The following MMP16 variants were observed in gnomAD, a reference collection of about 807,000 sequenced individuals.
MMP16 encodes matrix metalloproteinase-16.
Under a neutral mutation model 67.8 loss-of-function variants are expected in MMP16, and 12 were observed. That is an observed-to-expected ratio of 0.18 (90% confidence interval 0.11 to 0.29). MMP16 has a LOEUF of 0.29. Ranked by LOEUF, MMP16 falls within the 10% of genes least tolerant of loss-of-function variation. The probability of loss-of-function intolerance (pLI) is 1.00; values close to 1 mark genes in which losing one functional copy is unlikely to be tolerated. For synonymous variants in MMP16, 249 were observed against 255.9 expected, an observed-to-expected ratio of 0.97 and a Z score of 0.26; for missense variants, 475 against 765.7, an observed-to-expected ratio of 0.62 and a Z score of 4.48.
At chr8:88,176,108 C>G (rs1265572806) in intron 3 of MMP16, among the ~76,000 whole-genome samples, 1 of 152,176 alleles carries the variant, frequency 6.6e-6, no homozygotes, top group African/African-American at 2.4e-5. Context: ...CACCGGGACA[C>G]TAAGATTTAG....
At chr8:88,117,815 G>A (rs1476280415) in intron 5 of MMP16, among the ~76,000 whole-genome samples, 1 of 151,786 alleles carries the variant, frequency 6.6e-6, no homozygotes, top group African/African-American at 2.4e-5. Context: ...AAATGCAAAA[G>A]ACATCTATCT....
At chr8:88,090,804 A>G (rs540767547) in intron 6 of MMP16, among the ~76,000 whole-genome samples, 72 of 152,010 alleles carry the variant, frequency 4.7e-4, no homozygotes, top group African/African-American at 1.7e-3. Flanking sequence ...GGTAATACTG[A>G]AATAGCTTTT....
intron 1 of MMP16, among the ~76,000 whole-genome samples, chr8:88,254,641 T>A (rs1563575090): frequency 6.6e-6 from 1 of 152,086 alleles, no homozygotes; most frequent in Non-Finnish European, 1.5e-5. Context: ...AACTGATAGC[T>A]GAATAAATAA....
chr8:88,290,181 A>G (rs1047533645), intron 1 of MMP16, among the ~76,000 whole-genome samples: 1 of 152,200 alleles, frequency 6.6e-6, no homozygotes, highest in Non-Finnish European at 1.5e-5. Context: ...TGGAACACCC[A>G]TATTATGGAT....
intron 7 of MMP16, among the ~76,000 whole-genome samples, chr8:88,060,989 A>G (rs1808391638): frequency 6.8e-6 from 1 of 147,880 alleles, no homozygotes; most frequent in Non-Finnish European, 1.5e-5. Flanking sequence ...ACCACTAGCA[A>G]GAGTGGGAAA....
At chr8:88,107,117 C>A (rs1428772073) in intron 6 of MMP16, among the ~76,000 whole-genome samples, 1 of 151,062 alleles carries the variant, frequency 6.6e-6, no homozygotes. Context: ...CTATTCTGTT[C>A]ATTTGTCCCA....
intron 4 of MMP16, among the ~76,000 whole-genome samples, chr8:88,162,855 C>T (rs1438347184): frequency 1.3e-5 from 2 of 151,968 alleles, no homozygotes; most frequent in African/African-American, 4.8e-5. Context: ...TTCACTGAGG[C>T]CTCCCCAGTC....
intron 8 of MMP16, among the ~76,000 whole-genome samples, chr8:88,052,159 A>G (rs79732665): frequency 0.03 from 4,611 of 152,240 alleles, 246 homozygotes; most frequent in African/African-American, 0.1. Flanking sequence ...TGCAAACTCA[A>G]TTATCCAACC....
At chr8:88,236,734 C>T (rs1464228293) in intron 1 of MMP16, among the ~76,000 whole-genome samples, 3 of 151,884 alleles carry the variant, frequency 2.0e-5, no homozygotes, top group East Asian at 2.0e-4. Flanking sequence ...GGGTAAAAAG[C>T]GAGACTCTGA....
intron 1 of MMP16, among the ~76,000 whole-genome samples, chr8:88,319,144 A>G (rs947108395): frequency 2.0e-5 from 3 of 152,184 alleles, no homozygotes; most frequent in African/African-American, 7.2e-5. Context: ...CACTCAGTCC[A>G]TCATACATAG....
At chr8:88,317,669 A>G (rs1811394456) in intron 1 of MMP16, among the ~76,000 whole-genome samples, 1 of 152,164 alleles carries the variant, frequency 6.6e-6, no homozygotes, top group African/African-American at 2.4e-5. Context: ...ATTTTGTAAA[A>G]ATCAGCTAGA....
chr8:88,087,745 A>G (rs1733725867), intron 6 of MMP16, among the ~76,000 whole-genome samples: 2 of 151,568 alleles, frequency 1.3e-5, no homozygotes, highest in East Asian at 2.0e-4. Flanking sequence ...GGAGTTCAAG[A>G]CCAGCTGGGA....
chr8:88,061,965 A>G lies in MMP16; in HGVS notation c.1223-5687T>C, dbSNP rs568976825. Reference sequence around the variant, plus strand: ...GAAAACAAAGCAAAATAGAGAGCTTATCAGTAAACATTTGCTATAAAGTTG... The same window carrying G: ...GAAAACAAAGCAAAATAGAGAGCTTGTCAGTAAACATTTGCTATAAAGTTG... On this transcript the variant is annotated intron_variant, in intron 7 of 9. Transcript: ENST00000286614. 9.9e-5 allele frequency among the ~76,000 whole-genome samples: 15 copies of G among 152,118 alleles called. No individual in the cohort carries two copies. In the East Asian group the frequency reaches 2.7e-3, roughly 28 times the overall value.
chr8:88,260,689 A>C (rs1383856365), intron 1 of MMP16, among the ~76,000 whole-genome samples: 1 of 152,216 alleles, frequency 6.6e-6, no homozygotes, highest in Non-Finnish European at 1.5e-5. Context: ...TCAACATTTC[A>C]ACTGATAACA....
intron 4 of MMP16, among the ~76,000 whole-genome samples, chr8:88,139,593 T>C (rs982716366): frequency 3.3e-5 from 5 of 152,158 alleles, no homozygotes; most frequent in African/African-American, 9.7e-5. Flanking sequence ...GCAGGGATAA[T>C]TGCCAGTTTT....
At chr8:88,078,692 A>G (rs79687835) in intron 6 of MMP16, among the ~76,000 whole-genome samples, 10,286 of 152,226 alleles carry the variant, frequency 0.068, 529 homozygotes, top group Non-Finnish European at 0.1. Flanking sequence ...GAAAAAAACA[A>G]AACAAAACAA....
chr8:88,199,439 T>A (rs562157856), intron 1 of MMP16, among the ~76,000 whole-genome samples: 1 of 152,138 alleles, frequency 6.6e-6, no homozygotes, highest in African/African-American at 2.4e-5. Context: ...AAGTGTAAAA[T>A]ACTGGGAAAG....
At chr8:88,073,750 T>C (rs1219665802) in intron 7 of MMP16, among the ~76,000 whole-genome samples, 5 of 152,144 alleles carry the variant, frequency 3.3e-5, no homozygotes, top group Non-Finnish European at 7.3e-5. Flanking sequence ...TGGGAATAAT[T>C]GCTTTTTGAG....
chr8:88,297,181 G>A (rs1330573796), intron 1 of MMP16, among the ~76,000 whole-genome samples: 3 of 152,036 alleles, frequency 2.0e-5, no homozygotes, highest in Non-Finnish European at 2.9e-5. Context: ...GCATACTCAG[G>A]TCTGAAAGAG....
Sources: gnomAD v4.1 joint callset for allele counts (sites outside exome capture counted in the v4.1 genomes callset) on GRCh38, gnomAD v4.1.1 for gene constraint, MANE v1.5 for transcripts, NCBI Gene and HGNC (gene_info 2026-07-23, HGNC 2026-07-21) for gene names.